Variants in MANSC1 observed in about 807,000 individuals in gnomAD.
MANSC1 encodes MANSC domain-containing protein 1.
A neutral mutation model predicts 14.1 loss-of-function variants in MANSC1; 13 were observed. The observed-to-expected ratio is 0.92, with a 90% CI of 0.60 to 1.46. The LOEUF (loss-of-function observed/expected upper bound fraction) is 1.46. Ranked by LOEUF, MANSC1 falls within the 40% of genes most tolerant of loss-of-function variation. The pLI is 0.00. For missense variants in MANSC1, 486 were observed against 511.4 expected (o/e 0.95, Z 0.48); for synonymous variants, 227 against 200.7 (o/e 1.13, Z -1.11).
Position 12,343,305 on chromosome 12 carries a change from C to T in MANSC1, c.10G>A (p.Gly4Arg), listed in dbSNP as rs770052461. MFF[G>R]GEGSLTYTLV... The stretch of plus-strand genomic sequence containing the variant: ...GTGTAAGTCAAGCTCCCTTCTCCCC[C>T]GAAGAACATTTTAAATTTCAGTTTA... The change falls in exon 2 of 4, where the codon GGG (glycine) becomes AGG (arginine). Residue 4 changes from glycine (G) to arginine (R), a missense_variant. Transcript: ENST00000535902. 1.6e-5 allele frequency: 26 copies of T among 1,612,740 alleles called. No homozygotes were observed. Among genetic ancestry groups the T allele is most frequent in the African/African-American group, 9.4e-5 (7 of 74,850 alleles).
intron 2 of MANSC1, among the ~76,000 whole-genome samples, chr12:12,342,155 C>A (rs1306586176): frequency 6.6e-6 from 1 of 152,196 alleles, no homozygotes; most frequent in African/African-American, 2.4e-5. Flanking sequence ...GTTGCCCAGG[C>A]TGCTCTCAAA....
Position 12,331,484 on chromosome 12 carries a change from G to A in MANSC1, c.365-526C>T, listed in dbSNP as rs146135141. Among the ~76,000 whole-genome samples the A allele has an allele frequency of 3.8e-3, 582 of 152,284 alleles. 5 individuals are homozygous for A. The highest frequency in any genetic ancestry group is 0.014 in the African/African-American group (561 of 41,544). ...CCAAGGCCAGGGAAAAAAGTGGGCC[G>A]GAGGGTGACCTGAGCAGGAAAGGTT... On this transcript the variant is annotated intron_variant, in intron 3 of 3. Transcript: ENST00000535902.
intron 2 of MANSC1, among the ~76,000 whole-genome samples, chr12:12,341,716 G>A (rs1002757517): frequency 2.6e-5 from 4 of 152,286 alleles, no homozygotes; most frequent in South Asian, 2.1e-4. Context: ...GGCTGGGTGC[G>A]GTGGCTCACA....
Position 12,329,333 on chromosome 12 carries a change from C to A in MANSC1, c.*694G>T, listed in dbSNP as rs1474174800. Reference sequence around the variant, plus strand: ...CATCTGGAATAAGTTTTAAAGGAATCCATATAAAAAGAAAAGCAAATCCAT... The same window carrying A: ...CATCTGGAATAAGTTTTAAAGGAATACATATAAAAAGAAAAGCAAATCCAT... On this transcript the variant is annotated 3_prime_UTR_variant, in exon 4 of 4. Coordinates refer to ENST00000535902, the MANE Select transcript of MANSC1 (RefSeq NM_018050.4). 6.6e-6 allele frequency: 1 copy of A among 152,044 alleles called. No homozygotes were observed. Among genetic ancestry groups the A allele is most frequent in the East Asian group, 1.9e-4 (1 of 5,188 alleles). 9.4% of individuals were successfully genotyped at this position (152,044 alleles called of 1,614,324 possible).
chr12:12,332,969 A>G (rs1257914367), intron 3 of MANSC1, among the ~76,000 whole-genome samples: 1 of 152,142 alleles, frequency 6.6e-6, no homozygotes, highest in Admixed American at 6.5e-5. Flanking sequence ...TGGCAGAAAA[A>G]GTTGGTGGAC....
At chr12:12,349,494 T>C (rs1388163322) in intron 1 of MANSC1, among the ~76,000 whole-genome samples, 3 of 152,210 alleles carry the variant, frequency 2.0e-5, no homozygotes, top group Non-Finnish European at 4.4e-5. Context: ...TCCATTATTA[T>C]TTAGGCTTTA....
chr12:12,332,992 A>G (rs954531546), intron 3 of MANSC1, among the ~76,000 whole-genome samples: 21 of 152,012 alleles, frequency 1.4e-4, no homozygotes, highest in African/African-American at 4.8e-4. Flanking sequence ...CTGCTCTAGG[A>G]TATAGTATTC....
chr12:12,326,611 T>TTGTTG lies in MANSC1; in HGVS notation c.*3415_*3416insCAACA, dbSNP rs35346365. The TTGTTG allele has an allele frequency of 2.1e-5, 3 of 144,068 alleles. No homozygotes were observed. Among genetic ancestry groups the TTGTTG allele is most frequent in the Non-Finnish European group, 4.5e-5 (3 of 66,352 alleles). The allele number at this position is 144,068 out of a possible 1,614,324, so 8.9% of individuals were successfully genotyped here. A position where few individuals can be genotyped will look rare whatever the true frequency, so the allele number is the denominator to read the frequency against. On this transcript the variant is annotated 3_prime_UTR_variant, in exon 4 of 4. Transcript: ENST00000535902. ...TTTTTAAGAGTTTTTTAGTTTTTTT[T>TTGTTG]TTGTTGTTGTTGTTTTGTTTTTTTT...
intron 3 of MANSC1, among the ~76,000 whole-genome samples, chr12:12,336,434 T>C (rs1249960778): frequency 2.0e-5 from 3 of 152,246 alleles, no homozygotes; most frequent in Admixed American, 2.0e-4. Context: ...ATTCTGTGCA[T>C]AGCACTTGTG....
chr12:12,343,149 A>G lies in MANSC1; in HGVS notation c.166T>C (p.Tyr56His). ...ATGCAGTCTTCTTGAGTTGAAGTAT[A>G]TACGGGCTCATTGCCTCTGATTCCC... The part of the protein sequence containing the change: ...SKGIRGNEPV[Y>H]TSTQEDCINS... Residue 56 changes from tyrosine (Y) to histidine (H), a missense_variant, in exon 2 of 4, where the codon TAT becomes CAT. By Grantham distance (83) the Tyr-to-His change is moderately conservative. Coordinates refer to ENST00000535902, the MANE Select transcript of MANSC1 (RefSeq NM_018050.4). 6.2e-7 allele frequency: 1 copy of G among 1,614,050 alleles called. No individual in the cohort carries two copies. The highest frequency in any genetic ancestry group is 8.5e-7 in the Non-Finnish European group (1 of 1,179,916).
At chr12:12,346,858 A>T (rs895839220) in intron 1 of MANSC1, among the ~76,000 whole-genome samples, 2 of 152,224 alleles carry the variant, frequency 1.3e-5, no homozygotes, top group Non-Finnish European at 2.9e-5. Flanking sequence ...CCATGAAAGA[A>T]AAATTTGATG....
At chr12:12,346,521 G>A (rs1014399493) in intron 1 of MANSC1, among the ~76,000 whole-genome samples, 10 of 152,162 alleles carry the variant, frequency 6.6e-5, no homozygotes, top group Admixed American at 5.9e-4. Flanking sequence ...TAGACAAACA[G>A]ATCAATGGAA....
chr12:12,342,991 C>A (rs79987750), intron 2 of MANSC1, 101 bp downstream of exon 2: 3 of 814,726 alleles, frequency 3.7e-6, no homozygotes, highest in Non-Finnish European at 6.2e-6. Context: ...TATATTCATA[C>A]CCTGTCGAGA....
rs1276874754 is a variant in MANSC1 at position 12,329,303 on chromosome 12, AACT to A, written c.*721_*723del. 7.2e-5 allele frequency: 11 copies of A among 152,190 alleles called. No homozygotes were observed. The highest frequency in any genetic ancestry group is 2.7e-4 in the African/African-American group (11 of 41,450). The allele number at this position is 152,190 out of a possible 1,614,324, so 9.4% of individuals were successfully genotyped here. A position where few individuals can be genotyped will look rare whatever the true frequency, so the allele number is the denominator to read the frequency against. On this transcript the variant is annotated 3_prime_UTR_variant, in exon 4 of 4. Transcript: ENST00000535902. ...TTTATTCAAATATTTAATTGGAAGG[AACT>A]ACATCTGGAATAAGTTTTAAAGGAA...
rs1862727556 is a variant in MANSC1 at position 12,327,925 on chromosome 12, G to C, written c.*2102C>G. On this transcript the variant is annotated 3_prime_UTR_variant, in exon 4 of 4. Coordinates refer to ENST00000535902, the MANE Select transcript of MANSC1 (RefSeq NM_018050.4). ...GAGGAAGGAAGAGGTGAGGAGGAAG[G>C]AGAAGAAAAGCCTTTTCTGTCATTT... The C allele has an allele frequency of 6.6e-6, 1 of 152,190 alleles. No homozygotes were observed. Among genetic ancestry groups the C allele is most frequent in the Non-Finnish European group, 1.5e-5 (1 of 68,050 alleles). 9.4% of individuals were successfully genotyped at this position (152,190 alleles called of 1,614,324 possible).
In MANSC1 at chr12:12,338,535, G is replaced by C; in HGVS notation, c.249C>G (p.Ile83Met). The C allele has an allele frequency of 6.2e-7, 1 of 1,613,124 alleles. No individual in the cohort carries two copies. Among genetic ancestry groups the C allele is most frequent in the Non-Finnish European group, 8.5e-7 (1 of 1,179,800 alleles). The change falls in exon 3 of 4, where the codon ATC becomes ATG. Residue 83 changes from isoleucine to methionine, a missense_variant. Coordinates refer to ENST00000535902, the MANE Select transcript of MANSC1 (RefSeq NM_018050.4). ...ISGDKACNLM[I>M]FDTRKTARQP... ...GTCTAGCTGTTTTTCGAGTGTCGAA[G>C]ATCATCAAGTTACATGCTTTGTCCC...
chr12:12,326,742 C>T lies in MANSC1; in HGVS notation c.*3285G>A, dbSNP rs1266018953. The T allele has an allele frequency of 6.6e-6, 1 of 152,004 alleles. No homozygotes were observed. Among genetic ancestry groups the T allele is most frequent in the Non-Finnish European group, 1.5e-5 (1 of 68,144 alleles). 9.4% of individuals were successfully genotyped at this position (152,004 alleles called of 1,614,324 possible). A position where few individuals can be genotyped will look rare whatever the true frequency, so the allele number is the denominator to read the frequency against. On this transcript the variant is annotated 3_prime_UTR_variant, in exon 4 of 4. Coordinates refer to ENST00000535902, the MANE Select transcript of MANSC1 (RefSeq NM_018050.4). ...GCTCAAGTGATCCTCCCACCTCAGTCTCCCAAAGGGCTGAGATTACAGATG... is the reference window on the plus strand; with the variant it reads ...GCTCAAGTGATCCTCCCACCTCAGTTTCCCAAAGGGCTGAGATTACAGATG...
At chr12:12,332,304 C>T (rs149929058) in intron 3 of MANSC1, among the ~76,000 whole-genome samples, 32 of 152,308 alleles carry the variant, frequency 2.1e-4, no homozygotes, top group Admixed American at 9.2e-4. Flanking sequence ...CCTCAGTCTC[C>T]TCTTTCCTAC....
intron 2 of MANSC1, chr12:12,338,812 C>T: frequency 1.9e-6 from 1 of 533,998 alleles, no homozygotes; most frequent in East Asian, 3.6e-5. Context: ...TCCTGTCCCT[C>T]CTAAAGTCAA....
Sources: gnomAD v4.1 joint callset for allele counts (sites outside exome capture counted in the v4.1 genomes callset) on GRCh38, gnomAD v4.1.1 for gene constraint, MANE v1.5 for transcripts, NCBI Gene and HGNC (gene_info 2026-07-23, HGNC 2026-07-21) for gene names.